DCAF13: variants seen among roughly 807,000 people sequenced by gnomAD.
DCAF13 encodes DDB1- and CUL4-associated factor 13.
DCAF13 carries 38 observed loss-of-function variants against 59.0 expected under a neutral mutation model. The observed-to-expected ratio is 0.64, with a 90% CI of 0.50 to 0.84. DCAF13 has a LOEUF of 0.84. Ranked by LOEUF, DCAF13 falls within the 40% of genes least tolerant of loss-of-function variation. The pLI, the probability that DCAF13 is intolerant of heterozygous loss-of-function variation, is 0.00. For missense variants in DCAF13, 469 were observed against 558.4 expected, an observed-to-expected ratio of 0.84 and a Z score of 1.61; for synonymous variants, 173 against 175.0, an observed-to-expected ratio of 0.99 and a Z score of 0.09.
chr8:103,440,317 TTTTA>T, intron 9 of DCAF13, 46 bp downstream of exon 9: 1 of 1,440,180 alleles, frequency 6.9e-7, no homozygotes, highest in Non-Finnish European at 9.2e-7. Flanking sequence ...TGATTTCTAA[TTTTA>T]TTAGATATTA....
intron 10 of DCAF13, 60 bp from the exon 11 acceptor site, chr8:103,442,731 TGAGA>T: frequency 8.8e-7 from 1 of 1,136,120 alleles, no homozygotes; most frequent in Non-Finnish European, 1.2e-6. Context: ...TTGATTTTTC[TGAGA>T]AAGTTTTCTT....
chr8:103,441,687 T>C, intron 10 of DCAF13, 69 bp downstream of exon 10: 1 of 1,433,142 alleles, frequency 7.0e-7, no homozygotes, highest in Non-Finnish European at 9.6e-7. Context: ...AAAAACAAAG[T>C]TAACTGCCAT....
chr8:103,437,407 A>AG (rs1370355798), intron 8 of DCAF13, among the ~76,000 whole-genome samples: 2 of 152,222 alleles, frequency 1.3e-5, no homozygotes, highest in African/African-American at 2.4e-5. Flanking sequence ...TATGATCCCA[A>AG]GGGGCCAGCA....
chr8:103,423,353 C>T (rs556963567), intron 3 of DCAF13, among the ~76,000 whole-genome samples: 1 of 152,044 alleles, frequency 6.6e-6, no homozygotes, highest in South Asian at 2.1e-4. Context: ...CACACACACG[C>T]ACACAGGAAT....
At chr8:103,416,123 C>T (rs1338733668) in intron 1 of DCAF13, among the ~76,000 whole-genome samples, 1 of 152,066 alleles carries the variant, frequency 6.6e-6, no homozygotes, top group African/African-American at 2.4e-5. Flanking sequence ...GCAGATTGTT[C>T]TAAATAAAGA....
chr8:103,415,413 C>G lies in DCAF13; in HGVS notation c.-34C>G, dbSNP rs200381394. 9.3e-6 allele frequency: 15 copies of G among 1,613,954 alleles called. No homozygotes were observed. The highest frequency in any genetic ancestry group is 8.5e-6 in the Non-Finnish European group (10 of 1,180,032). On this transcript the variant is annotated 5_prime_UTR_variant, in exon 1 of 11. Transcript: ENST00000612750. ...GGCGGTGGGCGGAACTCCTAGCGGA[C>G]ACCTCGTGGAGTCCGGCCGGAAGAG...
At chr8:103,424,705 G>A (rs1436495258) in intron 3 of DCAF13, among the ~76,000 whole-genome samples, 6 of 152,178 alleles carry the variant, frequency 3.9e-5, no homozygotes, top group Non-Finnish European at 8.8e-5. Flanking sequence ...ACTTGATGGA[G>A]GGATAGCGTC....
chr8:103,417,228 C>T (rs899761632), intron 1 of DCAF13, among the ~76,000 whole-genome samples: 5 of 151,974 alleles, frequency 3.3e-5, no homozygotes, highest in African/African-American at 1.2e-4. Context: ...CAGTACAGTG[C>T]GAAAGTGAGT....
chr8:103,436,267 A>G (rs374959896), intron 8 of DCAF13, among the ~76,000 whole-genome samples: 5 of 152,198 alleles, frequency 3.3e-5, no homozygotes, highest in East Asian at 1.9e-4. Flanking sequence ...TAGTAATAAT[A>G]CTTTACATTT....
At chr8:103,419,230 G>A (rs1324064886) in intron 1 of DCAF13, among the ~76,000 whole-genome samples, 2 of 152,032 alleles carry the variant, frequency 1.3e-5, no homozygotes. Context: ...AGCGTATCAG[G>A]ACAGTTAAAA....
intron 9 of DCAF13, 122 bp downstream of exon 9, chr8:103,440,393 TAAA>T: frequency 3.6e-6 from 3 of 832,830 alleles, no homozygotes; most frequent in South Asian, 2.2e-5. Flanking sequence ...ATAGCTGTGA[TAAA>T]AAAAGCAATA....
chr8:103,422,613 A>G (rs922782110), intron 3 of DCAF13, among the ~76,000 whole-genome samples: 7 of 152,222 alleles, frequency 4.6e-5, no homozygotes, highest in Non-Finnish European at 2.9e-5. Context: ...TGTAAAAAAT[A>G]GAAAATTAAA....
rs146842933 is a variant in DCAF13, at chr8:103,432,478, T to G, written c.703-181T>G. 2.1e-3 allele frequency among the ~76,000 whole-genome samples: 317 copies of G among 152,300 alleles called. 3 individuals carry two copies. Among genetic ancestry groups the G allele is most frequent in the Admixed American group, 0.016 (246 of 15,294 alleles). ...ATTAGGAGACTGGGAGTTAAGCATT[T>G]CTATTTTTATATTTACTATTCTGCC... On this transcript the variant is annotated intron_variant, in intron 6 of 10. Coordinates refer to ENST00000612750, the MANE Select transcript of DCAF13 (RefSeq NM_015420.7).
intron 8 of DCAF13, chr8:103,439,637 C>A (rs974976382): frequency 6.6e-6 from 1 of 152,030 alleles, no homozygotes; most frequent in African/African-American, 2.4e-5. Context: ...ACAATTTAAC[C>A]AAAACAAAAT....
chr8:103,424,278 C>T (rs145160697), intron 3 of DCAF13, among the ~76,000 whole-genome samples: 1 of 152,196 alleles, frequency 6.6e-6, no homozygotes, highest in African/African-American at 2.4e-5. Context: ...CCACCCGCCT[C>T]AGCCTCTGAA....
intron 3 of DCAF13, among the ~76,000 whole-genome samples, chr8:103,423,088 C>T (rs1816743402): frequency 6.6e-6 from 1 of 152,062 alleles, no homozygotes; most frequent in African/African-American, 2.4e-5. Context: ...TGCAGATAAG[C>T]TGCCTGACCC....
At chr8:103,422,909 T>A (rs10108112) in intron 3 of DCAF13, among the ~76,000 whole-genome samples, 34,261 of 152,052 alleles carry the variant, frequency 0.23, 4,095 homozygotes, top group Middle Eastern at 0.31. Flanking sequence ...TTTGAAAGAT[T>A]GTCATGTGAA....
rs1261032281 is a variant in DCAF13, at chr8:103,430,952, TA to T, written c.702+265del. On this transcript the variant is annotated intron_variant, in intron 6 of 10. Transcript: ENST00000612750. ...TGCCAGTACATTTTAGGCCTCTAAT[TA>T]ATACTTACTGAATTGAAAGTTCTTA... 2.6e-5 allele frequency among the ~76,000 whole-genome samples: 4 copies of T among 152,272 alleles called. 1 individual carries two copies. In the South Asian group the frequency reaches 8.3e-4, roughly 32 times the overall value.
chr8:103,432,762 A>G, intron 7 of DCAF13, 21 bp downstream of exon 7: 2 of 1,459,252 alleles, frequency 1.4e-6, no homozygotes, highest in South Asian at 1.1e-5. Flanking sequence ...CTCTTTTAAA[A>G]ACTTGTGTAT....
Sources: allele counts gnomAD v4.1 joint callset (sites outside exome capture counted in the v4.1 genomes callset), GRCh38; gene constraint gnomAD v4.1.1; transcripts MANE v1.5; gene names NCBI Gene and HGNC (gene_info 2026-07-23, HGNC 2026-07-21).